PLCB4: variants seen among roughly 807,000 people sequenced by gnomAD.
PLCB4 encodes 1-phosphatidylinositol 4,5-bisphosphate phosphodiesterase beta-4.
A neutral mutation model predicts 178.8 loss-of-function variants in PLCB4; 77 were observed. The observed-to-expected ratio is 0.43, with a 90% CI of 0.36 to 0.52. The LOEUF is 0.52. Ranked by LOEUF, PLCB4 falls within the 20% of genes least tolerant of loss-of-function variation. The pLI is 0.00. For missense variants in PLCB4, 1,024 were observed against 1,453.4 expected, an observed-to-expected ratio of 0.70 and a Z score of 4.80; for synonymous variants, 496 against 490.8, an observed-to-expected ratio of 1.01 and a Z score of -0.14.
At chr20:9,206,299 C>CTTTTTTCTTTTTTTTTTTTTTT (rs1568948051) in intron 2 of PLCB4, among the ~76,000 whole-genome samples, 1 of 96,126 alleles carries the variant, frequency 1.0e-5, no homozygotes, top group African/African-American at 3.9e-5. Flanking sequence ...TTTCTTTTTT[C>CTTTTTTCTTTTTTTTTTTTTTT]TTTTTTTTTT....
At chr20:9,375,899 C>T (rs1396874972) in intron 12 of PLCB4, among the ~76,000 whole-genome samples, 1 of 152,038 alleles carries the variant, frequency 6.6e-6, no homozygotes, top group Non-Finnish European at 1.5e-5. Context: ...AACATAAATC[C>T]CATTTATATT....
intron 2 of PLCB4, among the ~76,000 whole-genome samples, chr20:9,115,726 G>C (rs2091758475): frequency 6.6e-6 from 1 of 151,548 alleles, no homozygotes; most frequent in Non-Finnish European, 1.5e-5. Context: ...TAATTAATAT[G>C]AATTTATTCA....
At chr20:9,152,882 G>A (rs1294774509) in intron 2 of PLCB4, among the ~76,000 whole-genome samples, 3 of 152,086 alleles carry the variant, frequency 2.0e-5, no homozygotes, top group African/African-American at 7.2e-5. Flanking sequence ...AAAGCCGTAG[G>A]GGTGGAGCTG....
intron 2 of PLCB4, among the ~76,000 whole-genome samples, chr20:9,160,157 C>G (rs1196216855): frequency 6.6e-6 from 1 of 152,154 alleles, no homozygotes; most frequent in African/African-American, 2.4e-5. Context: ...CAGGTTTCAT[C>G]TGTTGAGTAG....
intron 2 of PLCB4, among the ~76,000 whole-genome samples, chr20:9,187,063 C>G (rs1017578099): frequency 1.3e-5 from 2 of 152,122 alleles, no homozygotes; most frequent in Admixed American, 6.6e-5. Context: ...CAAACTTCAC[C>G]TTCTGGGTTC....
chr20:9,343,403 G>C (rs775302186), intron 7 of PLCB4, among the ~76,000 whole-genome samples: 2 of 152,042 alleles, frequency 1.3e-5, no homozygotes, highest in Non-Finnish European at 2.9e-5. Flanking sequence ...CTCAAAGAGG[G>C]TCTCTGATAG....
intron 13 of PLCB4, among the ~76,000 whole-genome samples, chr20:9,380,796 G>C (rs1401889160): frequency 6.6e-6 from 1 of 152,164 alleles, no homozygotes; most frequent in Non-Finnish European, 1.5e-5. Flanking sequence ...GCGGAACATG[G>C]GAGGGAGAGC....
chr20:9,459,724 C>T lies in PLCB4; in HGVS notation c.3162C>T (p.His1054=). Residue 1054 remains histidine, a synonymous_variant, in exon 35 of 40, where the codon CAC becomes CAT. Transcript: ENST00000378473. ...AGGAGCAAGAAATCCGAGACCTGCA[C>T]CTCAGCCAGCAGTGTGAGCTGCTGA... ...SAEEQEIRDL[H]LSQQCELLKK... 1 of 1,612,652 alleles carries T rather than the reference C, an allele frequency of 6.2e-7. No homozygotes were observed. The highest frequency in any genetic ancestry group is 8.5e-7 in the Non-Finnish European group (1 of 1,178,724).
intron 3 of PLCB4, among the ~76,000 whole-genome samples, chr20:9,227,131 T>C (rs1051394761): frequency 6.6e-6 from 1 of 152,106 alleles, no homozygotes; most frequent in Non-Finnish European, 1.5e-5. Context: ...GCCCATTTTT[T>C]AAGTGGGTTG....
chr20:9,259,033 T>C (rs934010010), intron 3 of PLCB4, among the ~76,000 whole-genome samples: 3 of 152,120 alleles, frequency 2.0e-5, no homozygotes, highest in South Asian at 2.1e-4. Flanking sequence ...ATTTGGCAAA[T>C]CTTTTAAAGC....
chr20:9,467,412 G>A (rs1603046986), intron 35 of PLCB4, among the ~76,000 whole-genome samples: 1 of 151,886 alleles, frequency 6.6e-6, no homozygotes, highest in East Asian at 1.9e-4. Flanking sequence ...ATGCACCCTA[G>A]AACTTAAAGT....
chr20:9,388,354 G>A (rs2148399564), intron 15 of PLCB4, among the ~76,000 whole-genome samples: 1 of 152,326 alleles, frequency 6.6e-6, no homozygotes, highest in African/African-American at 2.4e-5. Flanking sequence ...ACTCAGGATA[G>A]ATATTACAAC....
chr20:9,414,092 C>T (rs770674796), intron 25 of PLCB4, among the ~76,000 whole-genome samples: 1 of 152,214 alleles, frequency 6.6e-6, no homozygotes, highest in Non-Finnish European at 1.5e-5. Flanking sequence ...TTTTAAAATA[C>T]CTTCACAGAA....
chr20:9,206,409 A>C (rs1021665417), intron 2 of PLCB4, among the ~76,000 whole-genome samples: 1 of 151,010 alleles, frequency 6.6e-6, no homozygotes, highest in African/African-American at 2.4e-5. Flanking sequence ...GCATCTTGCA[A>C]CCACTCCCAT....
chr20:9,088,320 C>G (rs1167379133), intron 1 of PLCB4, among the ~76,000 whole-genome samples: 1 of 151,992 alleles, frequency 6.6e-6, no homozygotes, highest in African/African-American at 2.4e-5. Context: ...ACTGGCTTGG[C>G]CATGTGTAGC....
intron 3 of PLCB4, among the ~76,000 whole-genome samples, chr20:9,273,957 C>A (rs532349586): frequency 6.6e-6 from 1 of 152,140 alleles, no homozygotes; most frequent in Non-Finnish European, 1.5e-5. Context: ...AGCTTTGCAG[C>A]AGCCCAGGAA....
chr20:9,102,946 A>G (rs1259829148), intron 2 of PLCB4, among the ~76,000 whole-genome samples: 1 of 152,090 alleles, frequency 6.6e-6, no homozygotes, highest in Non-Finnish European at 1.5e-5. Context: ...AATGATGACA[A>G]TTAAGTCTAG....
chr20:9,128,572 A>G (rs2092191362), intron 2 of PLCB4, among the ~76,000 whole-genome samples: 1 of 152,096 alleles, frequency 6.6e-6, no homozygotes, highest in South Asian at 2.1e-4. Flanking sequence ...TTTAGTAGAA[A>G]CGGGGTTTCG....
intron 4 of PLCB4, among the ~76,000 whole-genome samples, chr20:9,323,437 G>A (rs1282830486): frequency 6.6e-6 from 1 of 152,178 alleles, no homozygotes. Flanking sequence ...GTTTCCTGCT[G>A]TATCCCCACC....
Sources: gnomAD v4.1 joint callset for allele counts (sites outside exome capture counted in the v4.1 genomes callset) on GRCh38, gnomAD v4.1.1 for gene constraint, MANE v1.5 for transcripts, NCBI Gene and HGNC (gene_info 2026-07-23, HGNC 2026-07-21) for gene names.